CDH23: variants seen among roughly 807,000 people sequenced by gnomAD.
CDH23 encodes the protein cadherin related 23, also known as cadherin-23.
In CDH23, 189 loss-of-function variants were observed where a neutral mutation model predicts 317.1. The ratio of observed to expected loss-of-function variants is 0.60; its 90% CI spans 0.53 to 0.67. The LOEUF (loss-of-function observed/expected upper bound fraction) is 0.67, where lower values mean the gene tolerates loss of function less well. Ranked by LOEUF, CDH23 falls within the 30% of genes least tolerant of loss-of-function variation. The probability of loss-of-function intolerance (pLI) is 0.00; values close to 1 mark genes in which losing one functional copy is unlikely to be tolerated. For missense variants in CDH23, 4,401 were observed against 4,592.4 expected (o/e 0.96, Z 1.20); for synonymous variants, 1,839 against 1,876.8 (o/e 0.98, Z 0.52).
intron 3 of CDH23, among the ~76,000 whole-genome samples, chr10:71,452,018 C>T (rs1189459649): frequency 6.6e-6 from 1 of 152,212 alleles, no homozygotes; most frequent in Admixed American, 6.5e-5. Flanking sequence ...CAGGAGAGCA[C>T]TTTCCCGCAG....
At chr10:71,494,040 T>C (rs1852814676) in intron 3 of CDH23, among the ~76,000 whole-genome samples, 1 of 152,174 alleles carries the variant, frequency 6.6e-6, no homozygotes, top group Non-Finnish European at 1.5e-5. Context: ...ATTTTAGTTT[T>C]CATTTTTCGG....
chr10:71,484,314 C>T (rs545989647), intron 3 of CDH23, among the ~76,000 whole-genome samples: 1 of 152,348 alleles, frequency 6.6e-6, no homozygotes, highest in African/African-American at 2.4e-5. Context: ...GCTTGCAAGA[C>T]ACCTGCCAAG....
chr10:71,440,684 C>T (rs897293948), intron 2 of CDH23, among the ~76,000 whole-genome samples: 1 of 152,172 alleles, frequency 6.6e-6, no homozygotes, highest in Admixed American at 6.5e-5. Flanking sequence ...GAGGCCTGGG[C>T]ATTTGCTTCT....
At chr10:71,515,382 TCTCTCTCTCTCTCA>T (rs1234671220) in intron 6 of CDH23, among the ~76,000 whole-genome samples, 114 of 124,774 alleles carry the variant, frequency 9.1e-4, no homozygotes, top group African/African-American at 3.4e-3. Context: ...TCTCTCTCTC[TCTCTCTCTCTCTCA>T]CACACACACA....
chr10:71,690,450 A>AGCTCCCAGCT lies in CDH23; in HGVS notation c.2060-18_2060-17insGCTCCCAGCT. The AGCTCCCAGCT allele has an allele frequency of 6.4e-7, 1 of 1,567,206 alleles. No homozygotes were observed. Among genetic ancestry groups the AGCTCCCAGCT allele is most frequent in the Admixed American group, 1.8e-5 (1 of 55,536 alleles). ...AGGGTGAGCAGCACCCCCTGCCCCC[A>AGCTCCCAGCT]CCTTTTTCCCCCTGAAGGAGCCACG... On this transcript the variant is annotated splice_polypyrimidine_tract_variant and intron_variant, in intron 19 of 69. Coordinates refer to ENST00000224721, the MANE Select transcript of CDH23 (RefSeq NM_022124.6).
rs9664159 is a variant in CDH23 at position 71,532,724 on chromosome 10, T to G, written c.429+21512T>G. On this transcript the variant is annotated intron_variant, in intron 6 of 69. Coordinates refer to ENST00000224721, the MANE Select transcript of CDH23 (RefSeq NM_022124.6). ...TCTTTTGTTTTTGTTTTTTTTTTTT[T>G]TTGTTTTTTTTTTTTTTTTTTTTGA... 7.3e-3 allele frequency among the ~76,000 whole-genome samples: 499 copies of G among 68,814 alleles called. 1 individual carries two copies. Among genetic ancestry groups the G allele is most frequent in the African/African-American group, 0.029 (444 of 15,578 alleles). The allele number at this position is 68,814 out of a possible 152,430, so 45.1% of individuals were successfully genotyped here. A position where few individuals can be genotyped will look rare whatever the true frequency, so the allele number is the denominator to read the frequency against.
chr10:71,664,819 C>T (rs1388577828), intron 14 of CDH23, among the ~76,000 whole-genome samples: 2 of 151,750 alleles, frequency 1.3e-5, no homozygotes, highest in African/African-American at 4.8e-5. Context: ...CCCCCTTCCC[C>T]CTCCTCCCTT....
chr10:71,548,118 A>G (rs759484020), intron 6 of CDH23, among the ~76,000 whole-genome samples: 1 of 152,208 alleles, frequency 6.6e-6, no homozygotes, highest in Non-Finnish European at 1.5e-5. Flanking sequence ...CCTGACGTTC[A>G]GAAATGAGCA....
intron 19 of CDH23, among the ~76,000 whole-genome samples, chr10:71,689,769 C>T (rs909625158): frequency 2.0e-5 from 3 of 152,300 alleles, no homozygotes; most frequent in African/African-American, 4.8e-5. Flanking sequence ...CAGGTGAAGG[C>T]GCCTGCCGAG....
chr10:71,790,174 C>T (rs973266063), intron 45 of CDH23, 114 bp from the exon 46 acceptor site: 7 of 1,427,316 alleles, frequency 4.9e-6, no homozygotes, highest in Non-Finnish European at 6.6e-6. Flanking sequence ...CTGTCCACCT[C>T]ACCTCCCTCC....
rs1841063060 is a variant in CDH23, at chr10:71,785,037, T to A, written c.5649T>A (p.Asn1883Lys). ...VLASDADSGC[N>K]ARLTFNITAG... The stretch of plus-strand genomic sequence containing the variant: ...CCAGTGACGCTGACAGTGGCTGCAA[T>A]GCACGCCTCACCTTCAACATCACTG... Residue 1883 changes from asparagine to lysine, a missense_variant, in exon 43 of 70, where the codon AAT becomes AAA. Physicochemically the swap from Asn to Lys is moderately conservative, Grantham distance 94. Transcript: ENST00000224721. The A allele has an allele frequency of 6.2e-7, 1 of 1,613,968 alleles. No homozygotes were observed. Among genetic ancestry groups the A allele is most frequent in the African/African-American group, 1.3e-5 (1 of 74,954 alleles).
At chr10:71,484,005 G>A (rs1240865932) in intron 3 of CDH23, among the ~76,000 whole-genome samples, 1 of 152,176 alleles carries the variant, frequency 6.6e-6, no homozygotes, top group African/African-American at 2.4e-5. Flanking sequence ...GAGCGCACCT[G>A]TGGAAATCAT....
chr10:71,775,023 A>G (rs1840784916), intron 38 of CDH23, among the ~76,000 whole-genome samples: 1 of 152,214 alleles, frequency 6.6e-6, no homozygotes, highest in Non-Finnish European at 1.5e-5. Flanking sequence ...CCCTGGAGCC[A>G]GTGAACTCCC....
rs1038961907 is a variant in CDH23, at chr10:71,624,113, C to T, written c.1134+6720C>T. On this transcript the variant is annotated intron_variant, in intron 11 of 69. Transcript: ENST00000224721. ...TAGGAAGGGGAAGGTGCCGCCCGGG[C>T]CTTCCCCCTGCCCACTGACCCTGCA... Among the ~76,000 whole-genome samples, 13 of 152,188 alleles carry T rather than the reference C, an allele frequency of 8.5e-5. 1 individual carries two copies. The highest frequency in any genetic ancestry group is 2.9e-4 in the African/African-American group (12 of 41,438).
chr10:71,715,866 C>CCGGT, intron 28 of CDH23: 1 of 1,387,246 alleles, frequency 7.2e-7, no homozygotes, highest in South Asian at 1.6e-5. Context: ...GCCTGCAGCA[C>CCGGT]CGGTCTCTGA....
intron 35 of CDH23, 110 bp from the exon 36 acceptor site, chr10:71,739,534 C>G: frequency 7.3e-7 from 1 of 1,372,452 alleles, no homozygotes. Flanking sequence ...AAAGCCCTTG[C>G]TCAACAGAGG....
intron 14 of CDH23, among the ~76,000 whole-genome samples, chr10:71,658,160 C>T (rs558699084): frequency 1.6e-4 from 25 of 152,274 alleles, no homozygotes; most frequent in Non-Finnish European, 2.9e-4. Context: ...CAGGCCTCAG[C>T]GCCCCTCGCC....
At chr10:71,773,607 G>T (rs886644351) in intron 38 of CDH23, 3 of 549,686 alleles carry the variant, frequency 5.5e-6, no homozygotes, top group African/African-American at 4.0e-5. Context: ...GGGGGGCCGT[G>T]TGGGGGAACT....
chr10:71,792,820 TAAAAAAAAA>T (rs1158593304), intron 47 of CDH23, among the ~76,000 whole-genome samples: 300 of 47,720 alleles, frequency 6.3e-3, no homozygotes, highest in Middle Eastern at 0.028. Context: ...AGACTCCATC[TAAAAAAAAA>T]AAAAAAAAAA....
Sources: allele counts gnomAD v4.1 joint callset (sites outside exome capture counted in the v4.1 genomes callset), GRCh38; gene constraint gnomAD v4.1.1; transcripts MANE v1.5; gene names NCBI Gene and HGNC (gene_info 2026-07-23, HGNC 2026-07-21).